The following CIT variants were observed in gnomAD, a reference collection of about 807,000 sequenced individuals.
The protein encoded by CIT is citron Rho-interacting kinase.
CIT carries 79 observed loss-of-function variants against 272.7 expected under a neutral mutation model. That is an observed-to-expected ratio of 0.29 (90% CI 0.24 to 0.35). CIT has a LOEUF of 0.35. Ranked by LOEUF, CIT falls within the 10% of genes least tolerant of loss-of-function variation. The pLI is 1.00. For synonymous variants in CIT, 948 were observed against 995.6 expected, an observed-to-expected ratio of 0.95 and a Z score of 0.90; for missense variants, 1,909 against 2,618.3, an observed-to-expected ratio of 0.73 and a Z score of 5.91.
intron 28 of CIT, among the ~76,000 whole-genome samples, chr12:119,726,907 G>A (rs1281017088): frequency 6.6e-6 from 1 of 152,180 alleles, no homozygotes; most frequent in African/African-American, 2.4e-5. Flanking sequence ...GTCTGAGCTT[G>A]TCTATTATGC....
At chr12:119,825,810 G>A (rs1471801373) in intron 7 of CIT, among the ~76,000 whole-genome samples, 2 of 152,250 alleles carry the variant, frequency 1.3e-5, no homozygotes, top group African/African-American at 2.4e-5. Context: ...GCCCATGCCT[G>A]TAATCCCAAC....
chr12:119,734,059 A>C (rs1417881194), intron 26 of CIT, 105 bp downstream of exon 26: 16 of 1,272,086 alleles, frequency 1.3e-5, no homozygotes, highest in Admixed American at 2.2e-5. Flanking sequence ...TGACCCAGGA[A>C]ACTTCTCAGT....
intron 29 of CIT, 115 bp from the exon 30 acceptor site, chr12:119,720,700 AC>A: frequency 1.5e-6 from 1 of 665,410 alleles, no homozygotes; most frequent in Non-Finnish European, 2.5e-6. Context: ...TGAAAATCCA[AC>A]ACAAACAGTA....
intron 9 of CIT, among the ~76,000 whole-genome samples, chr12:119,811,943 A>T (rs1392783330): frequency 6.2e-5 from 8 of 129,808 alleles, no homozygotes; most frequent in African/African-American, 8.6e-5. Flanking sequence ...TTCCCCAGGA[A>T]TTTTTTTTTT....
In CIT at chr12:119,690,864, T is replaced by C. The variant is rs116377489; in HGVS notation, c.5883-410A>G. 1.5e-3 allele frequency among the ~76,000 whole-genome samples: 223 copies of C among 152,310 alleles called. 1 individual carries two copies. Among genetic ancestry groups the C allele is most frequent in the African/African-American group, 5.2e-3 (216 of 41,572 alleles). ...TGCCTGAGCTAATGAGTGGTAGAGC[T>C]GGGATTCCAATAAAGACCAGTTTGA... On this transcript the variant is annotated intron_variant, in intron 46 of 47. Transcript: ENST00000392521. The surrounding 1 kb of genome is among the most constrained non-coding windows in gnomAD (Gnocchi z 6.0).
intron 3 of CIT, among the ~76,000 whole-genome samples, chr12:119,858,058 T>C (rs912929332): frequency 5.3e-5 from 8 of 152,200 alleles, no homozygotes; most frequent in Non-Finnish European, 1.2e-4. Flanking sequence ...TGGTTTACAG[T>C]GTGACATAGT....
At chr12:119,845,779 A>G (rs1380956789) in intron 5 of CIT, among the ~76,000 whole-genome samples, 2 of 151,610 alleles carry the variant, frequency 1.3e-5, no homozygotes, top group Non-Finnish European at 2.9e-5. Context: ...GTGAAACCCC[A>G]TCTCTACTGA....
chr12:119,868,933 TG>T lies in CIT; in HGVS notation c.238+126del. 7.1e-6 allele frequency: 8 copies of T among 1,124,834 alleles called. No homozygotes were observed. The South Asian group carries it at 7.7e-5, about 11-fold the overall frequency. The allele number at this position is 1,124,834 out of a possible 1,614,324, so 69.7% of individuals were successfully genotyped here. The stretch of plus-strand genomic sequence containing the variant: ...AAGAGGTGCAGCCTGAATTTGAACC[TG>T]GATCTGTCTTATATAGAACCAGAGT... On this transcript the variant is annotated intron_variant, in intron 3 of 47. Coordinates refer to ENST00000392521, the MANE Select transcript of CIT (RefSeq NM_001206999.2).
intron 24 of CIT, among the ~76,000 whole-genome samples, chr12:119,738,279 T>C (rs1349844604): frequency 1.3e-5 from 2 of 152,192 alleles, no homozygotes; most frequent in Non-Finnish European, 2.9e-5. Context: ...AGGTAAGATA[T>C]ATTGACCATT....
chr12:119,690,379 G>T lies in CIT; in HGVS notation c.5958C>A (p.Pro1986=). ...TKRVASSPAP[P]EGPSHPREPS... Reference sequence around the variant, plus strand: ...GCTCTCGCGGGTGGCTGGGGCCTTCGGGCGGCGCTGGGCTGGAGGCCACGC... The same window carrying T: ...GCTCTCGCGGGTGGCTGGGGCCTTCTGGCGGCGCTGGGCTGGAGGCCACGC... Residue 1986 remains proline, a synonymous_variant, in exon 47 of 48, where the codon CCC becomes CCA. Coordinates refer to ENST00000392521, the MANE Select transcript of CIT (RefSeq NM_001206999.2). The surrounding 1 kb of genome is among the most constrained non-coding windows in gnomAD (Gnocchi z 6.0). 15 of 1,596,680 alleles carry T rather than the reference G, an allele frequency of 9.4e-6. No individual in the cohort carries two copies. The highest frequency in any genetic ancestry group is 1.3e-5 in the Non-Finnish European group (15 of 1,177,678).
rs1957086986 is a variant in CIT at position 119,710,028 on chromosome 12, T to C, written c.5071+223A>G. Among the ~76,000 whole-genome samples, 2 of 152,122 alleles carry C rather than the reference T, an allele frequency of 1.3e-5. No individual in the cohort carries two copies. Among genetic ancestry groups the C allele is most frequent in the Non-Finnish European group, 2.9e-5 (2 of 68,024 alleles). ...CTCTTCACTTGGCCTAACAGTGGGA[T>C]GTTCTTTGGGAATGTCAGACTGTGC... On this transcript the variant is annotated intron_variant, in intron 39 of 47. Coordinates refer to ENST00000392521, the MANE Select transcript of CIT (RefSeq NM_001206999.2). The surrounding 1 kb of genome is among the most constrained non-coding windows in gnomAD (Gnocchi z 5.6).
Position 119,757,254 on chromosome 12 carries a change from C to A in CIT, c.2706+117G>T. The A allele has an allele frequency of 3.0e-6, 4 of 1,329,554 alleles. No homozygotes were observed. In the South Asian group the frequency reaches 5.5e-5, roughly 18 times the overall value. 82.4% of individuals were successfully genotyped at this position (1,329,554 alleles called of 1,614,324 possible). ...CTTTTCTCCTGCCTCAAGTCTGCCCCCTTAACCACCAAGCACAATGTCTCT... is the reference window on the plus strand; with the variant it reads ...CTTTTCTCCTGCCTCAAGTCTGCCCACTTAACCACCAAGCACAATGTCTCT... On this transcript the variant is annotated intron_variant, in intron 22 of 47. Coordinates refer to ENST00000392521, the MANE Select transcript of CIT (RefSeq NM_001206999.2).
intron 40 of CIT, among the ~76,000 whole-genome samples, chr12:119,706,374 A>T (rs1956878757): frequency 6.6e-6 from 1 of 152,016 alleles, no homozygotes; most frequent in Non-Finnish European, 1.5e-5. Flanking sequence ...TGTACAGGTT[A>T]TTTCATCACC....
At chr12:119,857,761 A>G in intron 3 of CIT, 63 bp from the exon 4 acceptor site, 1 of 1,440,442 alleles carries the variant, frequency 6.9e-7, no homozygotes, top group East Asian at 2.3e-5. Flanking sequence ...CATCTTTATG[A>G]AAGAAAAAAA....
rs778107885 is a variant in CIT, at chr12:119,697,697, G to A, written c.5844C>T (p.Ser1948=). The A allele has an allele frequency of 1.1e-5, 18 of 1,613,960 alleles. No homozygotes were observed. Among genetic ancestry groups the A allele is most frequent in the East Asian group, 4.5e-5 (2 of 44,886 alleles). The part of the protein sequence containing the change: ...ICCKGNLVKE[S]GTEHHRGPST... ...ACGGGCCCCGGTGGTGTTCAGTGCC[G>A]GACTCCTTCACGAGGTTTCCCTTGC... Residue 1948 remains serine, a synonymous_variant, in exon 46 of 48, where the codon TCC becomes TCT. Transcript: ENST00000392521. This position sits in a 1 kb window ranked among gnomAD's most constrained non-coding sequence, Gnocchi z 4.9.
At chr12:119,828,738 A>G (rs768092421) in intron 7 of CIT, among the ~76,000 whole-genome samples, 3 of 150,516 alleles carry the variant, frequency 2.0e-5, no homozygotes, top group Non-Finnish European at 4.4e-5. Flanking sequence ...AACTTTTACA[A>G]TTTTTTTTTA....
At chr12:119,744,772 G>C (rs1005945945) in intron 23 of CIT, among the ~76,000 whole-genome samples, 1 of 150,378 alleles carries the variant, frequency 6.6e-6, no homozygotes. Context: ...TTAGAGCTGT[G>C]ATGTTTTTTC....
rs1957281509 is a variant in CIT, at chr12:119,713,489, T to G, written c.4466A>C (p.Glu1489Ala). The change falls in exon 34 of 48, where the codon GAA (glutamate) becomes GCA (alanine). Residue 1489 changes from glutamate (E) to alanine (A), a missense_variant. By Grantham distance (107) the Glu-to-Ala change is moderately radical. Around this residue, in one of 8 missense-constraint regions of CIT, gnomAD observed 780 missense variants for 1,067.2 expected, o/e 0.73. Transcript: ENST00000392521. This position sits in a 1 kb window ranked among gnomAD's most constrained non-coding sequence, Gnocchi z 5.2. ...TKEPSSSLHL[E>A]GWMKVPRNNK... ...GTACCTGGGCACCTTCATCCACCCT[T>G]CCAGGTGCAAGCTGCTGCTGGGCTC... 1.2e-6 allele frequency: 2 copies of G among 1,614,150 alleles called. No homozygotes were observed. Among genetic ancestry groups the G allele is most frequent in the Non-Finnish European group, 1.7e-6 (2 of 1,180,016 alleles).
intron 13 of CIT, among the ~76,000 whole-genome samples, chr12:119,781,930 G>C (rs909690425): frequency 3.3e-5 from 5 of 152,092 alleles, no homozygotes; most frequent in Middle Eastern, 3.2e-3. Context: ...GCAAACTTTT[G>C]CTGTAAGAAG....
Sources: allele counts gnomAD v4.1 joint callset (sites outside exome capture counted in the v4.1 genomes callset), GRCh38; gene constraint gnomAD v4.1.1; regional missense constraint gnomAD v4.1.1; non-coding constraint Gnocchi (gnomAD v3.1); transcripts MANE v1.5; gene names NCBI Gene and HGNC (gene_info 2026-07-23, HGNC 2026-07-21).